The following ENPP3 variants were observed in gnomAD, a reference collection of about 807,000 sequenced individuals.
The protein encoded by ENPP3 is ectonucleotide pyrophosphatase/phosphodiesterase family member 3.
In ENPP3, 104 loss-of-function variants were observed where a neutral mutation model predicts 117.8. That is an observed-to-expected ratio of 0.88 (90% CI 0.75 to 1.04). ENPP3 has a LOEUF of 1.04. Ranked by LOEUF, ENPP3 falls within the 50% of genes least tolerant of loss-of-function variation. The probability of loss-of-function intolerance (pLI) is 0.00; values close to 1 mark genes in which losing one functional copy is unlikely to be tolerated. For missense variants in ENPP3, 1,026 were observed against 1,051.9 expected, an observed-to-expected ratio of 0.98 and a Z score of 0.34; for synonymous variants, 380 against 349.9, an observed-to-expected ratio of 1.09 and a Z score of -0.96.
At chr6:131,695,325 C>A (rs1037489074) in intron 15 of ENPP3, among the ~76,000 whole-genome samples, 1 of 152,150 alleles carries the variant, frequency 6.6e-6, no homozygotes, top group African/African-American at 2.4e-5. Context: ...AGAGCTCGCC[C>A]ACCCAAATAC....
At chr6:131,718,309 A>G (rs1436872644) in intron 15 of ENPP3, among the ~76,000 whole-genome samples, 5 of 152,138 alleles carry the variant, frequency 3.3e-5, no homozygotes, top group Admixed American at 1.3e-4. Context: ...GTAAAGGTAC[A>G]CCCATGAGCT....
At chr6:131,668,337 C>A (rs537106704) in intron 6 of ENPP3, among the ~76,000 whole-genome samples, 36 of 148,788 alleles carry the variant, frequency 2.4e-4, no homozygotes, top group East Asian at 8.9e-4. Flanking sequence ...CTCGCCCCCC[C>A]CTGAGGATCT....
chr6:131,714,154 A>C (rs1281192552), intron 15 of ENPP3, among the ~76,000 whole-genome samples: 3 of 152,094 alleles, frequency 2.0e-5, no homozygotes, highest in South Asian at 4.1e-4. Flanking sequence ...TGAGTACTTG[A>C]AATATGGTTT....
At chr6:131,644,958 T>G (rs1778124983) in intron 2 of ENPP3, among the ~76,000 whole-genome samples, 1 of 152,222 alleles carries the variant, frequency 6.6e-6, no homozygotes, top group South Asian at 2.1e-4. Context: ...AGACCATTTA[T>G]GTAAATGGTT....
intron 14 of ENPP3, among the ~76,000 whole-genome samples, chr6:131,691,422 C>G (rs1168576498): frequency 6.6e-5 from 10 of 151,888 alleles, no homozygotes; most frequent in Admixed American, 5.9e-4. Context: ...AATATCTTCT[C>G]TACTAAAAAT....
At chr6:131,666,322 G>C (rs1051529394) in intron 6 of ENPP3, among the ~76,000 whole-genome samples, 13 of 152,016 alleles carry the variant, frequency 8.6e-5, no homozygotes, top group Non-Finnish European at 1.6e-4. Flanking sequence ...ATTATAATAT[G>C]TCTTAGTGTG....
intron 2 of ENPP3, among the ~76,000 whole-genome samples, chr6:131,649,794 G>A (rs1164562584): frequency 6.6e-6 from 1 of 152,144 alleles, no homozygotes; most frequent in Non-Finnish European, 1.5e-5. Flanking sequence ...GACCTCAAGT[G>A]ATTCTTCTGC....
chr6:131,643,959 G>GTT (rs200078512), intron 2 of ENPP3, among the ~76,000 whole-genome samples: 4,091 of 151,912 alleles, frequency 0.027, 193 homozygotes, highest in African/African-American at 0.092. Flanking sequence ...GTGTGTGTGT[G>GTT]TGTGTGTGTG....
intron 15 of ENPP3, among the ~76,000 whole-genome samples, chr6:131,718,273 A>T (rs570530762): frequency 2.0e-5 from 3 of 152,168 alleles, no homozygotes; most frequent in Non-Finnish European, 4.4e-5. Context: ...TAACCAAACT[A>T]TTCTTCAGCA....
chr6:131,652,402 G>T, intron 3 of ENPP3, 140 bp from the exon 4 acceptor site: 2 of 868,372 alleles, frequency 2.3e-6, no homozygotes, highest in Admixed American at 2.7e-5. Context: ...CCCCTCATTT[G>T]GTATTATGTA....
At chr6:131,668,703 A>ATTTTAG (rs1308445285) in intron 6 of ENPP3, among the ~76,000 whole-genome samples, 7 of 152,202 alleles carry the variant, frequency 4.6e-5, no homozygotes, top group Non-Finnish European at 8.8e-5. Context: ...ATACACACGT[A>ATTTTAG]AACATTTTAA....
intron 1 of ENPP3, among the ~76,000 whole-genome samples, chr6:131,640,286 C>T (rs1207037331): frequency 6.6e-6 from 1 of 152,232 alleles, no homozygotes; most frequent in Non-Finnish European, 1.5e-5. Flanking sequence ...TTTCAGTCGA[C>T]TGTGTCTTCT....
intron 15 of ENPP3, among the ~76,000 whole-genome samples, chr6:131,701,647 G>A (rs1193080657): frequency 1.3e-5 from 2 of 149,022 alleles, no homozygotes; most frequent in Non-Finnish European, 3.0e-5. Context: ...TTGGGAGGCC[G>A]AGGCGGGCGG....
intron 21 of ENPP3, among the ~76,000 whole-genome samples, chr6:131,735,961 G>C (rs1166102128): frequency 6.6e-6 from 1 of 152,186 alleles, no homozygotes; most frequent in Non-Finnish European, 1.5e-5. Flanking sequence ...TAACAGAGTA[G>C]ATTTCATGTT....
At position 131,738,021 on chromosome 6, in the gene ENPP3, T is replaced by A; in HGVS notation, c.2168-10T>A. ...TGGACATTTTAAACACTTTATGATT[T>A]TATTTTTAGAAATGTGGGACTACTT... On this transcript the variant is annotated splice_polypyrimidine_tract_variant and intron_variant, in intron 22 of 24. Coordinates refer to ENST00000357639, the MANE Select transcript of ENPP3 (RefSeq NM_005021.5). 6.3e-7 allele frequency: 1 copy of A among 1,576,504 alleles called. No homozygotes were observed. The highest frequency in any genetic ancestry group is 8.6e-7 in the Non-Finnish European group (1 of 1,157,992).
At chr6:131,672,522 A>G (rs1307880954) in intron 7 of ENPP3, among the ~76,000 whole-genome samples, 1 of 152,140 alleles carries the variant, frequency 6.6e-6, no homozygotes, top group Non-Finnish European at 1.5e-5. Flanking sequence ...TTATGTGTTG[A>G]TCAGAAGACA....
At chr6:131,739,225 C>A (rs1342999774) in intron 23 of ENPP3, among the ~76,000 whole-genome samples, 2 of 152,278 alleles carry the variant, frequency 1.3e-5, no homozygotes, top group African/African-American at 4.8e-5. Flanking sequence ...CACAGTAATA[C>A]ATTTCTATTT....
chr6:131,665,123 CT>C (rs1482155608), intron 6 of ENPP3, among the ~76,000 whole-genome samples: 2 of 152,076 alleles, frequency 1.3e-5, no homozygotes, highest in East Asian at 3.9e-4. Flanking sequence ...GGTGTATAAT[CT>C]TTTCATTGTG....
intron 6 of ENPP3, among the ~76,000 whole-genome samples, chr6:131,661,557 G>A (rs763503351): frequency 5.9e-5 from 9 of 152,086 alleles, no homozygotes; most frequent in Non-Finnish European, 1.0e-4. Context: ...CTCCCAAAGT[G>A]CTGATTACAG....
Sources: gnomAD v4.1 joint callset for allele counts (sites outside exome capture counted in the v4.1 genomes callset) on GRCh38, gnomAD v4.1.1 for gene constraint, MANE v1.5 for transcripts, NCBI Gene and HGNC (gene_info 2026-07-23, HGNC 2026-07-21) for gene names.